ARL14EPL: variants seen among roughly 807,000 people sequenced by gnomAD.
ARL14EPL encodes the protein ARF like GTPase 14 effector protein like.
Under a neutral mutation model 15.9 loss-of-function variants are expected in ARL14EPL, and 17 were observed. The observed-to-expected ratio is 1.07, with a 90% CI of 0.73 to 1.60. ARL14EPL has a LOEUF of 1.60. ARL14EPL is among the 40% of genes most tolerant of loss of function. The probability of loss-of-function intolerance (pLI) is 0.00; values close to 1 mark genes in which losing one functional copy is unlikely to be tolerated. For synonymous variants in ARL14EPL, 78 were observed against 63.8 expected, an observed-to-expected ratio of 1.22 and a Z score of -1.06; for missense variants, 214 against 185.9, an observed-to-expected ratio of 1.15 and a Z score of -0.88.
intron 3 of ARL14EPL, among the ~76,000 whole-genome samples, chr5:116,057,483 G>T (rs1749548902): frequency 1.3e-5 from 2 of 151,286 alleles, no homozygotes; most frequent in South Asian, 4.2e-4. Flanking sequence ...GAGAATATTT[G>T]AGTTAAGGCA....
chr5:116,039,918 A>G (rs1052577369), intron 1 of ARL14EPL, among the ~76,000 whole-genome samples: 1 of 152,090 alleles, frequency 6.6e-6, no homozygotes, highest in Non-Finnish European at 1.5e-5. Flanking sequence ...AAATTTTAAA[A>G]CTCTCTACAT....
Position 116,043,196 on chromosome 5 carries a change from C to T in ARL14EPL, c.-9-8261C>T, listed in dbSNP as rs141600452. On this transcript the variant is annotated intron_variant, in intron 1 of 3. Transcript: ENST00000686077. The stretch of plus-strand genomic sequence containing the variant: ...ATTTAGTTTGGTGCAAAAGTAATTG[C>T]GATTTTGCCATTGAAAGTAATGGCA... Among the ~76,000 whole-genome samples, 26 of 148,436 alleles carry T rather than the reference C, an allele frequency of 1.8e-4. No homozygotes were observed. In the South Asian group the frequency reaches 4.8e-3, roughly 27 times the overall value.
rs528992871 is a variant in ARL14EPL, at chr5:116,058,847, G to A, written c.359G>A (p.Cys120Tyr). The A allele has an allele frequency of 6.5e-7, 1 of 1,536,144 alleles. No individual in the cohort carries two copies. Among genetic ancestry groups the A allele is most frequent in the Non-Finnish European group, 8.7e-7 (1 of 1,146,910 alleles). ...TGCCCGAAGTGTAACTCCAACAAGT[G>A]TGGGCCCGAGTGCCGCTGCAACCGA... The part of the protein sequence containing the change: ...YPCPKCNSNK[C>Y]GPECRCNRRW... The change falls in exon 4 of 4, where the codon TGT becomes TAT. Residue 120 changes from cysteine (C) to tyrosine (Y), a missense_variant. Coordinates refer to ENST00000686077, the MANE Select transcript of ARL14EPL (RefSeq NM_001195581.2).
chr5:116,058,076 T>C (rs1016833052), intron 3 of ARL14EPL, among the ~76,000 whole-genome samples: 6 of 152,216 alleles, frequency 3.9e-5, no homozygotes. Flanking sequence ...GGACAGAGCA[T>C]CCCACCTTCA....
At chr5:116,050,765 T>C (rs1200184778) in intron 1 of ARL14EPL, among the ~76,000 whole-genome samples, 1 of 149,824 alleles carries the variant, frequency 6.7e-6, no homozygotes, top group Non-Finnish European at 1.5e-5. Flanking sequence ...ATGATTACCA[T>C]ATTGTATGGG....
At position 116,034,380 on chromosome 5, in the gene ARL14EPL, G is replaced by A. The variant is rs76140085; in HGVS notation, c.-10+1875G>A. ...TTTGACTTGTCAATAGTGAGCAGGA[G>A]GCCTTTCTGATCACTTAGCACTAGA... On this transcript the variant is annotated intron_variant, in intron 1 of 3. Coordinates refer to ENST00000686077, the MANE Select transcript of ARL14EPL (RefSeq NM_001195581.2). 6.3e-4 allele frequency among the ~76,000 whole-genome samples: 96 copies of A among 152,206 alleles called. 1 individual carries two copies. The East Asian group carries it at 0.014, about 23-fold the overall frequency.
At chr5:116,053,067 A>G (rs1749425573) in intron 2 of ARL14EPL, among the ~76,000 whole-genome samples, 1 of 152,072 alleles carries the variant, frequency 6.6e-6, no homozygotes, top group Non-Finnish European at 1.5e-5. Flanking sequence ...TCTAATTTCT[A>G]ATTACAGTGG....
intron 1 of ARL14EPL, among the ~76,000 whole-genome samples, chr5:116,038,975 G>A (rs775392212): frequency 6.6e-5 from 10 of 152,142 alleles, no homozygotes; most frequent in Non-Finnish European, 1.5e-4. Context: ...GGGGCCCAGG[G>A]GTGGCGGAGG....
chr5:116,056,064 T>G (rs1749509295), intron 3 of ARL14EPL, among the ~76,000 whole-genome samples: 1 of 152,278 alleles, frequency 6.6e-6, no homozygotes, highest in South Asian at 2.1e-4. Flanking sequence ...ACATTTCGGT[T>G]GGTTCCAAGT....
chr5:116,043,817 G>A (rs1348177534), intron 1 of ARL14EPL, among the ~76,000 whole-genome samples: 1 of 152,122 alleles, frequency 6.6e-6, no homozygotes, highest in East Asian at 1.9e-4. Context: ...AGTTTTAAGA[G>A]CATTACTACC....
At chr5:116,046,786 A>C (rs143313684) in intron 1 of ARL14EPL, among the ~76,000 whole-genome samples, 129 of 152,258 alleles carry the variant, frequency 8.5e-4, no homozygotes, top group African/African-American at 3.0e-3. Context: ...TCTGTATATG[A>C]CTGCTATTGA....
intron 1 of ARL14EPL, among the ~76,000 whole-genome samples, chr5:116,037,103 T>C (rs1235333840): frequency 2.0e-5 from 3 of 152,206 alleles, no homozygotes; most frequent in Admixed American, 6.5e-5. Flanking sequence ...TAGCCAGTTC[T>C]TGACTATGTC....
At position 116,058,954 on chromosome 5, in the gene ARL14EPL, T is replaced by C; in HGVS notation, c.*7T>C. 6.5e-7 allele frequency: 1 copy of C among 1,534,936 alleles called. No homozygotes were observed. Among genetic ancestry groups the C allele is most frequent in the Admixed American group, 2.0e-5 (1 of 50,986 alleles). On this transcript the variant is annotated 3_prime_UTR_variant, in exon 4 of 4. Coordinates refer to ENST00000686077, the MANE Select transcript of ARL14EPL (RefSeq NM_001195581.2). Reference sequence around the variant, plus strand: ...GTTTAATGTTCCTGACTAGGTGCTCTTGTATATGGACTGATTTGTTTCTTC... The same window carrying C: ...GTTTAATGTTCCTGACTAGGTGCTCCTGTATATGGACTGATTTGTTTCTTC...
intron 3 of ARL14EPL, among the ~76,000 whole-genome samples, chr5:116,057,071 T>C (rs1749533592): frequency 6.6e-6 from 1 of 152,178 alleles, no homozygotes; most frequent in Non-Finnish European, 1.5e-5. Context: ...AAAAAGTTTA[T>C]CCACCATGAT....
At position 116,051,480 on chromosome 5, in the gene ARL14EPL, A is replaced by C; in HGVS notation, c.15A>C (p.Ser5=). Reference sequence around the variant, plus strand: ...AGTGATCAGAGATGAATGAACAATCAGAGAAAAACAATTCCATTCAAGAGA... The same window carrying C: ...AGTGATCAGAGATGAATGAACAATCCGAGAAAAACAATTCCATTCAAGAGA... MNEQ[S]EKNNSIQERH... The change falls in exon 2 of 4, where the codon TCA becomes TCC. Residue 5 remains serine (S), a synonymous_variant. Coordinates refer to ENST00000686077, the MANE Select transcript of ARL14EPL (RefSeq NM_001195581.2). 6.5e-7 allele frequency: 1 copy of C among 1,534,628 alleles called. No individual in the cohort carries two copies. The highest frequency in any genetic ancestry group is 8.7e-7 in the Non-Finnish European group (1 of 1,145,682).
chr5:116,053,372 G>T (rs2112679548), intron 2 of ARL14EPL, among the ~76,000 whole-genome samples: 1 of 144,326 alleles, frequency 6.9e-6, no homozygotes, highest in South Asian at 2.2e-4. Context: ...AGAAAAGAAA[G>T]GAAAAAAAAA....
rs185054753 is a variant in ARL14EPL, at chr5:116,042,070, A to G, written c.-9-9387A>G. On this transcript the variant is annotated intron_variant, in intron 1 of 3. Transcript: ENST00000686077. ...GGTCTCGAATGTCTGGGTGCAGGCA[A>G]TCCTCCCACCTTGGCCTCCCAATGT... Among the ~76,000 whole-genome samples, 358 of 152,152 alleles carry G rather than the reference A, an allele frequency of 2.4e-3. 1 individual carries two copies. Among genetic ancestry groups the G allele is most frequent in the Non-Finnish European group, 3.8e-3 (259 of 67,998 alleles).
chr5:116,052,131 C>T, intron 2 of ARL14EPL: 1 of 1,612,476 alleles, frequency 6.2e-7, no homozygotes, highest in Non-Finnish European at 8.5e-7. Context: ...TCATAGGTAG[C>T]TTTGTCAAAC....
chr5:116,042,000 T>TTTA (rs1168176191), intron 1 of ARL14EPL, among the ~76,000 whole-genome samples: 1 of 152,034 alleles, frequency 6.6e-6, no homozygotes, highest in Non-Finnish European at 1.5e-5. Context: ...GGCTAATTTT[T>TTTA]TTATTTTTTG....
Sources: allele counts gnomAD v4.1 joint callset (sites outside exome capture counted in the v4.1 genomes callset), GRCh38; gene constraint gnomAD v4.1.1; transcripts MANE v1.5; gene names NCBI Gene and HGNC (gene_info 2026-07-23, HGNC 2026-07-21).